The following TEN1 variants were observed in gnomAD, a reference collection of about 807,000 sequenced individuals.
TEN1 encodes CST complex subunit TEN1.
In TEN1, 6 loss-of-function variants were observed where a neutral mutation model predicts 9.3. That is an observed-to-expected ratio of 0.65 (90% CI 0.35 to 1.27). The LOEUF (loss-of-function observed/expected upper bound fraction) is 1.27, where lower values mean the gene tolerates loss of function less well. Ranked by LOEUF, TEN1 falls within the 50% of genes most tolerant of loss-of-function variation. The probability of loss-of-function intolerance (pLI) is 0.03; values close to 1 mark genes in which losing one functional copy is unlikely to be tolerated. For synonymous variants in TEN1, 65 were observed against 65.6 expected (o/e 0.99, Z 0.04); for missense variants, 149 against 158.2 (o/e 0.94, Z 0.31).
At chr17:75,980,446 G>C (rs1379857104) in intron 1 of TEN1, among the ~76,000 whole-genome samples, 1 of 142,862 alleles carries the variant, frequency 7.0e-6, no homozygotes, top group Non-Finnish European at 1.5e-5. Flanking sequence ...TTTTTTTCTT[G>C]AGACGGAGTC....
Position 75,993,722 on chromosome 17 carries a change from C to T in TEN1, c.250+2099C>T, listed in dbSNP as rs190361190. ...CCAAAAAAATTGAACCTGGGCTGGG[C>T]GCCGTGGCTCACGCCTGTAATCCCA... On this transcript the variant is annotated intron_variant, in intron 3 of 3. Coordinates refer to ENST00000397640, the MANE Select transcript of TEN1 (RefSeq NM_001113324.3). Among the ~76,000 whole-genome samples, 130 of 152,218 alleles carry T rather than the reference C, an allele frequency of 8.5e-4. 1 individual carries two copies. The highest frequency in any genetic ancestry group is 3.0e-3 in the African/African-American group (124 of 41,568).
At position 76,000,560 on chromosome 17, in the gene TEN1, T is replaced by A. The variant is rs2066249028; in HGVS notation, c.*298T>A. 3.0e-6 allele frequency: 1 copy of A among 330,598 alleles called. No individual in the cohort carries two copies. Among genetic ancestry groups the A allele is most frequent in the East Asian group, 6.1e-5 (1 of 16,442 alleles). The allele number at this position is 330,598 out of a possible 1,614,324, so 20.5% of individuals were successfully genotyped here. The stretch of plus-strand genomic sequence containing the variant: ...GAGGGTTCCAGAAGGTCCTGGTGAA[T>A]AAAGGCCCAGGGGGCGTGCTCTTGA... On this transcript the variant is annotated 3_prime_UTR_variant, in exon 4 of 4. Transcript: ENST00000397640. This position sits in a 1 kb window ranked among gnomAD's most constrained non-coding sequence, Gnocchi z 5.9.
chr17:75,987,252 G>A (rs1160042348), intron 2 of TEN1, among the ~76,000 whole-genome samples: 3 of 152,246 alleles, frequency 2.0e-5, no homozygotes, highest in Non-Finnish European at 2.9e-5. Flanking sequence ...CAGGGCTGCA[G>A]TTATCTGGAG....
intron 1 of TEN1, among the ~76,000 whole-genome samples, chr17:75,979,938 G>C (rs1343899761): frequency 1.3e-5 from 2 of 151,706 alleles, no homozygotes; most frequent in Non-Finnish European, 2.9e-5. Context: ...TGGGAAACCA[G>C]ACATTTTCCC....
intron 3 of TEN1, among the ~76,000 whole-genome samples, chr17:75,998,984 T>C (rs940474577): frequency 6.6e-6 from 1 of 151,610 alleles, no homozygotes; most frequent in Non-Finnish European, 1.5e-5. Context: ...AGAAAGAGCA[T>C]GAGTGCAAAA....
At chr17:75,984,196 C>A (rs574570132) in intron 1 of TEN1, among the ~76,000 whole-genome samples, 23 of 152,226 alleles carry the variant, frequency 1.5e-4, no homozygotes, top group African/African-American at 5.1e-4. Flanking sequence ...GATCAGCTCT[C>A]CCCCGCTGTC....
Position 75,979,465 on chromosome 17 carries a change from C to G in TEN1, c.-53C>G. ...CCGCCCCTCCCCCGTCACGTGACCA[C>G]GCGAGGCGGAAAGAAGAAATCCGAG... On this transcript the variant is annotated 5_prime_UTR_variant, in exon 1 of 4. Transcript: ENST00000397640. The G allele has an allele frequency of 2.9e-6, 1 of 340,222 alleles. No homozygotes were observed. Among genetic ancestry groups the G allele is most frequent in the South Asian group, 2.4e-5 (1 of 42,090 alleles). 21.1% of individuals were successfully genotyped at this position (340,222 alleles called of 1,614,324 possible).
At chr17:75,994,786 ATCT>A in intron 3 of TEN1, among the ~76,000 whole-genome samples, 1 of 152,060 alleles carries the variant, frequency 6.6e-6, no homozygotes, top group Non-Finnish European at 1.5e-5. Context: ...TGTCTTGATT[ATCT>A]AAGTCATACA....
At chr17:75,982,851 C>T (rs978890959) in intron 1 of TEN1, among the ~76,000 whole-genome samples, 1 of 151,560 alleles carries the variant, frequency 6.6e-6, no homozygotes, top group Admixed American at 6.6e-5. Flanking sequence ...GCTGGGATTA[C>T]AGGCACCCGC....
chr17:75,994,009 A>G (rs1193822293), intron 3 of TEN1, among the ~76,000 whole-genome samples: 3 of 152,168 alleles, frequency 2.0e-5, no homozygotes, highest in East Asian at 1.9e-4. Context: ...AAACAACAAC[A>G]GAAGAAAAAA....
chr17:75,979,297 T>C lies in TEN1; in HGVS notation c.-221T>C. 1 of 654,072 alleles carries C rather than the reference T, an allele frequency of 1.5e-6. No homozygotes were observed. The highest frequency in any genetic ancestry group is 2.6e-5 in the Admixed American group (1 of 38,988). 40.5% of individuals were successfully genotyped at this position (654,072 alleles called of 1,614,324 possible). On this transcript the variant is annotated 5_prime_UTR_variant, in exon 1 of 4. Coordinates refer to ENST00000397640, the MANE Select transcript of TEN1 (RefSeq NM_001113324.3). ...GAGGGGGCGATGTCCGCGTCGTGGC[T>C]GGGGCCGGTCGCGGGGCAGACTAAT...
Position 75,986,234 on chromosome 17 carries a change from G to T in TEN1, c.42G>T (p.Glu14Asp), listed in dbSNP as rs1224481693. 5.2e-6 allele frequency: 8 copies of T among 1,549,974 alleles called. No individual in the cohort carries two copies. The East Asian group carries it at 2.0e-4, about 38-fold the overall frequency. The part of the protein sequence containing the change: ...PKPGTYYLPW[E>D]VSAGQVPDGS... Reference sequence around the variant, plus strand: ...CTGGGACCTATTACCTCCCCTGGGAGGTTAGTGCAGGCCAAGTTCCTGATG... The same window carrying T: ...CTGGGACCTATTACCTCCCCTGGGATGTTAGTGCAGGCCAAGTTCCTGATG... Residue 14 changes from glutamate to aspartate, a missense_variant, in exon 2 of 4, where the codon GAG becomes GAT. Glu to Asp is a conservative substitution (Grantham distance 45). Transcript: ENST00000397640.
intron 2 of TEN1, 102 bp from the exon 3 acceptor site, chr17:75,991,364 G>A (rs1177087565): frequency 7.9e-7 from 1 of 1,272,126 alleles, no homozygotes; most frequent in East Asian, 2.5e-5. Flanking sequence ...ATGAGACTGA[G>A]GCTGAACACT....
At chr17:75,997,557 C>T (rs2066225100) in intron 3 of TEN1, among the ~76,000 whole-genome samples, 2 of 152,188 alleles carry the variant, frequency 1.3e-5, no homozygotes, top group Non-Finnish European at 2.9e-5. Context: ...TAGCTCCTTC[C>T]TCTAGTCTAA....
chr17:75,983,022 T>C (rs1267150005), intron 1 of TEN1, among the ~76,000 whole-genome samples: 1 of 150,332 alleles, frequency 6.7e-6, no homozygotes, highest in Non-Finnish European at 1.5e-5. Context: ...GTCTCACGCC[T>C]GTAGTCCCAA....
Position 76,000,513 on chromosome 17 carries a change from C to A in TEN1, c.*251C>A. On this transcript the variant is annotated 3_prime_UTR_variant, in exon 4 of 4. Coordinates refer to ENST00000397640, the MANE Select transcript of TEN1 (RefSeq NM_001113324.3). This position sits in a 1 kb window ranked among gnomAD's most constrained non-coding sequence, Gnocchi z 5.9. Reference sequence around the variant, plus strand: ...AGGTGGCCGAGCTTGGGCGCCGGGGCCGTGCTTGGTGTGGGGCCATGGAGG... The same window carrying A: ...AGGTGGCCGAGCTTGGGCGCCGGGGACGTGCTTGGTGTGGGGCCATGGAGG... 1 of 531,346 alleles carries A rather than the reference C, an allele frequency of 1.9e-6. No homozygotes were observed. Among genetic ancestry groups the A allele is most frequent in the Non-Finnish European group, 3.2e-6 (1 of 312,758 alleles). 32.9% of individuals were successfully genotyped at this position (531,346 alleles called of 1,614,324 possible). A position where few individuals can be genotyped will look rare whatever the true frequency, so the allele number is the denominator to read the frequency against.
At chr17:75,998,501 C>T (rs2066231189) in intron 3 of TEN1, among the ~76,000 whole-genome samples, 1 of 152,138 alleles carries the variant, frequency 6.6e-6, no homozygotes, top group Non-Finnish European at 1.5e-5. Flanking sequence ...CTGAGACACA[C>T]AGGCAACCTC....
intron 2 of TEN1, among the ~76,000 whole-genome samples, chr17:75,989,866 C>T (rs1233889265): frequency 1.3e-5 from 2 of 151,556 alleles, no homozygotes; most frequent in Admixed American, 6.6e-5. Flanking sequence ...CTCAGCCTCC[C>T]AAGTAGCTGA....
intron 3 of TEN1, among the ~76,000 whole-genome samples, chr17:75,997,984 T>C (rs1217737597): frequency 6.6e-6 from 1 of 151,564 alleles, no homozygotes; most frequent in Non-Finnish European, 1.5e-5. Flanking sequence ...CCCTAGTAGC[T>C]GGGATTACAG....
Sources: gnomAD v4.1 joint callset for allele counts (sites outside exome capture counted in the v4.1 genomes callset) on GRCh38, gnomAD v4.1.1 for gene constraint, Gnocchi (gnomAD v3.1) non-coding constraint, MANE v1.5 for transcripts, NCBI Gene and HGNC (gene_info 2026-07-23, HGNC 2026-07-21) for gene names.